DYNC1I1: variants seen among roughly 807,000 people sequenced by gnomAD.
DYNC1I1 encodes cytoplasmic dynein 1 intermediate chain 1.
A neutral mutation model predicts 86.6 loss-of-function variants in DYNC1I1; 43 were observed. The observed-to-expected ratio is 0.50, with a 90% confidence interval of 0.39 to 0.64. The LOEUF is 0.64. Ranked by LOEUF, DYNC1I1 falls within the 30% of genes least tolerant of loss-of-function variation. The probability of loss-of-function intolerance (pLI) is 0.00; values close to 1 mark genes in which losing one functional copy is unlikely to be tolerated. For missense variants in DYNC1I1, 604 were observed against 788.8 expected (o/e 0.77, Z 2.81); for synonymous variants, 262 against 283.7 (o/e 0.92, Z 0.77).
chr7:95,981,943 C>A (rs900823536), intron 7 of DYNC1I1, among the ~76,000 whole-genome samples: 30 of 152,004 alleles, frequency 2.0e-4, no homozygotes, highest in African/African-American at 7.0e-4. Context: ...TAAAACAATT[C>A]TGATTCTATT....
chr7:95,809,741 GT>G (rs1794785345), intron 2 of DYNC1I1, among the ~76,000 whole-genome samples: 1 of 151,992 alleles, frequency 6.6e-6, no homozygotes. Context: ...TAAATGTTTT[GT>G]TTTACTATAT....
chr7:95,856,812 C>G lies in DYNC1I1; in HGVS notation c.375-13071C>G, dbSNP rs146731375. On this transcript the variant is annotated intron_variant, in intron 5 of 16. Transcript: ENST00000447467. ...TGGCCAAGATGGTGAAACCCCATCT[C>G]TACTAAAAATACAAAAATTAGCAGG... Among the ~76,000 whole-genome samples the G allele has an allele frequency of 3.8e-4, 58 of 152,166 alleles. No homozygotes were observed. In the East Asian group the frequency reaches 5.0e-3, roughly 13 times the overall value.
intron 1 of DYNC1I1, among the ~76,000 whole-genome samples, chr7:95,780,574 G>A (rs542935326): frequency 5.3e-5 from 8 of 151,880 alleles, no homozygotes; most frequent in Non-Finnish European, 7.4e-5. Flanking sequence ...CACCACGCCC[G>A]GCCTCACTTT....
In DYNC1I1 at chr7:96,105,419, G is replaced by A. The variant is rs551539647; in HGVS notation, c.1543-4560G>A. On this transcript the variant is annotated intron_variant, in intron 16 of 16. Transcript: ENST00000537881. ...GCTTCTTTTCTGCATCTGTTGACAC[G>A]GTCACATAATTTTTATCCTTTATTC... Among the ~76,000 whole-genome samples the A allele has an allele frequency of 1.3e-3, 195 of 151,522 alleles. 2 individuals are homozygous for A. The highest frequency in any genetic ancestry group is 0.013 in the South Asian group (60 of 4,796).
At chr7:96,029,166 C>T (rs568810800) in intron 11 of DYNC1I1, among the ~76,000 whole-genome samples, 3 of 151,906 alleles carry the variant, frequency 2.0e-5, no homozygotes, top group African/African-American at 7.2e-5. Flanking sequence ...TAGCTAAGTC[C>T]ATGAGGAGGA....
At chr7:95,784,915 G>T (rs1265448752) in intron 1 of DYNC1I1, among the ~76,000 whole-genome samples, 1 of 152,114 alleles carries the variant, frequency 6.6e-6, no homozygotes. Context: ...TTTTGGCCAG[G>T]TTCTGCCATT....
chr7:95,950,772 C>G (rs1424755112), intron 6 of DYNC1I1, among the ~76,000 whole-genome samples: 2 of 152,110 alleles, frequency 1.3e-5, no homozygotes, highest in African/African-American at 4.8e-5. Flanking sequence ...AAAATTGGGG[C>G]CAGGATCATC....
intron 10 of DYNC1I1, among the ~76,000 whole-genome samples, chr7:96,010,007 G>A (rs770545713): frequency 1.3e-5 from 2 of 151,958 alleles, no homozygotes; most frequent in Admixed American, 6.6e-5. Context: ...TCAAACTCCC[G>A]ACCTCAGGTG....
rs1791061758 is a variant in DYNC1I1, at chr7:96,097,787, C to T, written c.*194C>T. 8 of 1,309,660 alleles carry T rather than the reference C, an allele frequency of 6.1e-6. No individual in the cohort carries two copies. The highest frequency in any genetic ancestry group is 3.3e-5 in the Admixed American group (1 of 30,624). The allele number at this position is 1,309,660 out of a possible 1,614,324, so 81.1% of individuals were successfully genotyped here. A position where few individuals can be genotyped will look rare whatever the true frequency, so the allele number is the denominator to read the frequency against. On this transcript the variant is annotated 3_prime_UTR_variant, in exon 17 of 17. Transcript: ENST00000447467. ...CTTTCCACTGACCCAAAATTCACCA[C>T]AGCATTTCTATCTTTATATTTCTGT...
chr7:95,880,741 G>C (rs1055323186), intron 6 of DYNC1I1, among the ~76,000 whole-genome samples: 1 of 146,062 alleles, frequency 6.8e-6, no homozygotes, highest in Admixed American at 7.1e-5. Flanking sequence ...CGCCTCCTGA[G>C]TTCAACCGAT....
intron 5 of DYNC1I1, among the ~76,000 whole-genome samples, chr7:95,867,553 A>C (rs2600562): frequency 0.49 from 74,230 of 152,044 alleles, 20,540 homozygotes; most frequent in Non-Finnish European, 0.64. Context: ...TGGAGTATCA[A>C]ATTACACATC....
chr7:95,885,775 C>G (rs1438511920), intron 6 of DYNC1I1, among the ~76,000 whole-genome samples: 1 of 152,176 alleles, frequency 6.6e-6, no homozygotes, highest in Non-Finnish European at 1.5e-5. Flanking sequence ...ATGTAAGCCA[C>G]TGTGCCTGGT....
intron 1 of DYNC1I1, among the ~76,000 whole-genome samples, chr7:95,773,261 C>T (rs1294043025): frequency 1.3e-5 from 2 of 152,198 alleles, no homozygotes; most frequent in African/African-American, 2.4e-5. Context: ...CCCTGCAAGT[C>T]GGAGGGAGCG....
chr7:95,929,782 A>G (rs2860011), intron 6 of DYNC1I1, among the ~76,000 whole-genome samples: 41,766 of 152,136 alleles, frequency 0.27, 5,872 homozygotes, highest in Non-Finnish European at 0.31. Flanking sequence ...ATTCATGGCT[A>G]ACATCTTTCA....
chr7:95,790,482 T>C (rs1168855404), intron 1 of DYNC1I1, among the ~76,000 whole-genome samples: 1 of 152,220 alleles, frequency 6.6e-6, no homozygotes, highest in Non-Finnish European at 1.5e-5. Flanking sequence ...TTCTGATTTG[T>C]TGAGTCAACC....
chr7:95,936,956 T>TCTCTCACACACACACA (rs750834189), intron 6 of DYNC1I1, among the ~76,000 whole-genome samples: 285 of 134,274 alleles, frequency 2.1e-3, no homozygotes, highest in Middle Eastern at 0.014. Flanking sequence ...AGAATATGTC[T>TCTCTCACACACACACA]CACACACACA....
chr7:95,774,495 G>C (rs1793791146), intron 1 of DYNC1I1, among the ~76,000 whole-genome samples: 1 of 152,174 alleles, frequency 6.6e-6, no homozygotes, highest in Admixed American at 6.5e-5. Flanking sequence ...ATCACCAGTA[G>C]GGATATGAGC....
intron 5 of DYNC1I1, among the ~76,000 whole-genome samples, chr7:95,836,540 C>T (rs1336292354): frequency 6.6e-6 from 1 of 151,792 alleles, no homozygotes; most frequent in Non-Finnish European, 1.5e-5. Flanking sequence ...GGAAGTTCTC[C>T]TGGATAATAT....
At chr7:96,100,407 C>G (rs1005349719), downstream of DYNC1I1, among the ~76,000 whole-genome samples, 3 of 151,672 alleles carry the variant, frequency 2.0e-5, no homozygotes, top group African/African-American at 7.3e-5. Context: ...TTCTTCTCCT[C>G]CCTTTCCCTC....
Sources: allele counts gnomAD v4.1 joint callset (sites outside exome capture counted in the v4.1 genomes callset), GRCh38; gene constraint gnomAD v4.1.1; transcripts MANE v1.5; gene names NCBI Gene and HGNC (gene_info 2026-07-23, HGNC 2026-07-21).